The following COX15 variants were observed in gnomAD, a reference collection of about 807,000 sequenced individuals.
COX15 encodes heme A synthase COX15.
In COX15, 51 loss-of-function variants were observed where a neutral mutation model predicts 51.9. The observed-to-expected ratio is 0.98, with a 90% CI of 0.78 to 1.24. COX15 has a LOEUF of 1.24. Ranked by LOEUF, COX15 falls within the 50% of genes most tolerant of loss-of-function variation. COX15 has a pLI of 0.00. For missense variants in COX15, 420 were observed against 501.1 expected, an observed-to-expected ratio of 0.84 and a Z score of 1.55; for synonymous variants, 188 against 190.5, an observed-to-expected ratio of 0.99 and a Z score of 0.11.
the COX15 span, chr10:99,705,352 A>C: frequency 6.5e-6 from 1 of 152,796 alleles, no homozygotes; most frequent in African/African-American, 2.4e-5. Flanking sequence ...GGAAGATTTT[A>C]GTATCTTATC....
At chr10:99,695,157 G>A in the COX15 span, among the ~76,000 whole-genome samples, 699 of 152,164 alleles carry the variant, frequency 4.6e-3, 5 homozygotes, top group South Asian at 0.015. Flanking sequence ...TTTCATTGGC[G>A]GTACAATAAA....
chr10:99,709,329 G>C (rs2036313624), downstream of COX15: 1 of 985,216 alleles, frequency 1.0e-6, no homozygotes, highest in Admixed American at 6.2e-5. Context: ...GTGGTATGTG[G>C]TGTAATGTTG....
downstream of COX15, chr10:99,708,893 AT>A (rs1261921927): frequency 1.0e-5 from 10 of 985,266 alleles, no homozygotes; most frequent in Non-Finnish European, 1.2e-5. Context: ...AACAGAATCT[AT>A]TTTTTATAAA....
intron 7 of COX15, among the ~76,000 whole-genome samples, chr10:99,717,474 G>C (rs34947721): frequency 0.023 from 3,524 of 152,274 alleles, 51 homozygotes; most frequent in Non-Finnish European, 0.035. Context: ...GCCTCCCAAA[G>C]TGCTGGGATT....
Position 99,713,687 on chromosome 10 carries a change from T to C in COX15, c.*900A>G. 1.3e-6 allele frequency: 1 copy of C among 757,714 alleles called. No individual in the cohort carries two copies. Among genetic ancestry groups the C allele is most frequent in the Admixed American group, 2.9e-5 (1 of 34,224 alleles). The allele number at this position is 757,714 out of a possible 1,614,324, so 46.9% of individuals were successfully genotyped here. A position where few individuals can be genotyped will look rare whatever the true frequency, so the allele number is the denominator to read the frequency against. On this transcript the variant is annotated 3_prime_UTR_variant, in exon 9 of 9. Coordinates refer to ENST00000016171, the MANE Select transcript of COX15 (RefSeq NM_078470.6). ...TTAACAGCCTTATCAAAAGAGGAAC[T>C]AGCTGGGCGTGGTGGCCCATGCCTG...
In COX15 at chr10:99,724,088, T is replaced by C. The variant is rs746153360; in HGVS notation, c.618A>G (p.Leu206=). 11 of 1,614,054 alleles carry C rather than the reference T, an allele frequency of 6.8e-6. No homozygotes were observed. The highest frequency in any genetic ancestry group is 9.3e-6 in the Non-Finnish European group (11 of 1,180,040). The part of the protein sequence containing the change: ...LLGWYMVKSG[L]EEKSDSHDIP... Reference sequence around the variant, plus strand: ...TGTCATGGGAGTCTGATTTTTCTTCTAGTCCACTTTTCACCATATACCATC... The same window carrying C: ...TGTCATGGGAGTCTGATTTTTCTTCCAGTCCACTTTTCACCATATACCATC... The change falls in exon 5 of 9, where the codon CTA becomes CTG. Residue 206 remains leucine, a synonymous_variant. Coordinates refer to ENST00000016171, the MANE Select transcript of COX15 (RefSeq NM_078470.6).
At chr10:99,729,172 CT>C (rs1384651842) in intron 2 of COX15, among the ~76,000 whole-genome samples, 1 of 152,106 alleles carries the variant, frequency 6.6e-6, no homozygotes, top group Admixed American at 6.5e-5. Context: ...TGTAAAATTC[CT>C]TTCTCCAGCT....
downstream of COX15, among the ~76,000 whole-genome samples, chr10:99,706,646 T>C (rs1326688269): frequency 6.6e-6 from 1 of 152,220 alleles, no homozygotes; most frequent in African/African-American, 2.4e-5. Context: ...CTGTTTCCTT[T>C]GGAAATCTCT....
chr10:99,703,968 C>A, the COX15 span, among the ~76,000 whole-genome samples: 1 of 152,276 alleles, frequency 6.6e-6, no homozygotes, highest in East Asian at 1.9e-4. Flanking sequence ...TCAAGCAATT[C>A]TCCTGGCCTG....
At chr10:99,704,515 CA>C in the COX15 span, 1 of 1,614,208 alleles carries the variant, frequency 6.2e-7, no homozygotes, top group Non-Finnish European at 8.5e-7. Context: ...CCTTTGTATA[CA>C]ACCACTATCT....
chr10:99,718,635 C>T (rs1590088045), intron 6 of COX15, 135 bp from the exon 7 acceptor site: 6 of 890,034 alleles, frequency 6.7e-6, no homozygotes, highest in African/African-American at 5.0e-5. Flanking sequence ...ATATCTGCAA[C>T]AGGAGTTCTC....
intron 1 of COX15, among the ~76,000 whole-genome samples, chr10:99,731,291 A>G (rs1035007390): frequency 6.6e-6 from 1 of 152,164 alleles, no homozygotes; most frequent in Admixed American, 6.5e-5. Flanking sequence ...CCCTTCTGCT[A>G]GCTTTGTTTC....
intron 6 of COX15, among the ~76,000 whole-genome samples, chr10:99,719,815 C>T (rs1345604218): frequency 2.0e-5 from 3 of 152,044 alleles, no homozygotes; most frequent in African/African-American, 7.2e-5. Flanking sequence ...TTTAAATGTC[C>T]CTTATGAAGT....
chr10:99,707,948 GT>G (rs2036285095), downstream of COX15, among the ~76,000 whole-genome samples: 1 of 152,120 alleles, frequency 6.6e-6, no homozygotes, highest in Non-Finnish European at 1.5e-5. Flanking sequence ...GTGCAGGTTT[GT>G]TACATGAGTA....
chr10:99,700,398 GTGTGTGTGTGTGTGTA>G, the COX15 span, among the ~76,000 whole-genome samples: 3,245 of 15,968 alleles, frequency 0.2, 47 homozygotes, highest in Middle Eastern at 0.31. Context: ...CGTACCGTGT[GTGTGTGTGTGTGTGTA>G]TGTGTGTGTG....
downstream of COX15, chr10:99,709,557 CT>C (rs2036319690): frequency 1.0e-6 from 1 of 982,858 alleles, no homozygotes; most frequent in South Asian, 4.7e-5. Context: ...TTGATTAATA[CT>C]ATAGAATAGC....
Position 99,713,921 on chromosome 10 carries a change from A to C in COX15, c.*666T>G. The C allele has an allele frequency of 1.2e-6, 1 of 824,244 alleles. No homozygotes were observed. Among genetic ancestry groups the C allele is most frequent in the Middle Eastern group, 5.8e-4 (1 of 1,712 alleles). 51.1% of individuals were successfully genotyped at this position (824,244 alleles called of 1,614,324 possible). A position where few individuals can be genotyped will look rare whatever the true frequency, so the allele number is the denominator to read the frequency against. The stretch of plus-strand genomic sequence containing the variant: ...GAAGTGGAGGTTGCAGAGTGAGCTG[A>C]GATCACGCCATTGTACTCCAGCCTG... On this transcript the variant is annotated 3_prime_UTR_variant, in exon 9 of 9. Transcript: ENST00000016171.
At chr10:99,715,867 G>C (rs372857978) in intron 8 of COX15, among the ~76,000 whole-genome samples, 3 of 151,824 alleles carry the variant, frequency 2.0e-5, no homozygotes, top group African/African-American at 7.3e-5. Context: ...ATGTTTACTG[G>C]CCATTAATCA....
Position 99,732,085 on chromosome 10 carries a change from C to A in COX15, c.-36G>T. The A allele has an allele frequency of 6.2e-7, 1 of 1,600,640 alleles. No individual in the cohort carries two copies. The highest frequency in any genetic ancestry group is 2.3e-5 in the East Asian group (1 of 44,384). ...GGGAACAGCCACCTCTTCCACAACC[C>A]AGGGCTCTGTGGTCTCCCTCCTCCG... On this transcript the variant is annotated 5_prime_UTR_variant, in exon 1 of 9. Coordinates refer to ENST00000016171, the MANE Select transcript of COX15 (RefSeq NM_078470.6).
Sources: allele counts gnomAD v4.1 joint callset (sites outside exome capture counted in the v4.1 genomes callset), GRCh38; gene constraint gnomAD v4.1.1; transcripts MANE v1.5; gene names NCBI Gene and HGNC (gene_info 2026-07-23, HGNC 2026-07-21).